The following KLRG1 variants were observed in gnomAD, a reference collection of about 807,000 sequenced individuals.
The protein encoded by KLRG1 is killer cell lectin-like receptor subfamily G member 1.
Under a neutral mutation model 21.8 loss-of-function variants are expected in KLRG1, and 16 were observed. The ratio of observed to expected loss-of-function variants is 0.73; its 90% confidence interval spans 0.50 to 1.11. The LOEUF is 1.11. KLRG1 is among the 50% of genes most tolerant of loss of function. The pLI is 0.00. For synonymous variants in KLRG1, 69 were observed against 75.9 expected (o/e 0.91, Z 0.47); for missense variants, 173 against 218.3 (o/e 0.79, Z 1.31).
intron 3 of KLRG1, among the ~76,000 whole-genome samples, chr12:9,002,256 AC>A (rs1487289934): frequency 1.3e-5 from 2 of 152,146 alleles, no homozygotes; most frequent in East Asian, 3.8e-4. Flanking sequence ...CATTCTGTAA[AC>A]CATTTTAATT....
chr12:9,089,240 T>C, the KLRG1 span: 3 of 1,587,770 alleles, frequency 1.9e-6, no homozygotes, highest in Non-Finnish European at 2.6e-6. Context: ...TTTCCTTCTC[T>C]AGTCCTTCAG....
chr12:8,972,534 T>A (rs749018576), intron 1 of KLRG1, among the ~76,000 whole-genome samples: 3 of 152,228 alleles, frequency 2.0e-5, no homozygotes, highest in African/African-American at 7.2e-5. Flanking sequence ...CATGTAGATA[T>A]CTGGTTTTCC....
chr12:9,097,678 G>T, the KLRG1 span, among the ~76,000 whole-genome samples: 2 of 141,698 alleles, frequency 1.4e-5, no homozygotes, highest in African/African-American at 5.4e-5. Flanking sequence ...CTATTGCCCA[G>T]GCTGGAGTGC....
chr12:9,042,784 G>A, the KLRG1 span, among the ~76,000 whole-genome samples: 1 of 152,118 alleles, frequency 6.6e-6, no homozygotes, highest in Non-Finnish European at 1.5e-5. Flanking sequence ...TAGTCAGGAA[G>A]CAGTTTGATA....
chr12:8,988,338 G>T (rs977030760), upstream of KLRG1: 6 of 152,230 alleles, frequency 3.9e-5, no homozygotes, highest in Non-Finnish European at 7.3e-5. Context: ...GGATCACAAT[G>T]CTGCCTGTGT....
intron 2 of KLRG1, among the ~76,000 whole-genome samples, chr12:8,993,921 T>C (rs1308177047): frequency 6.6e-6 from 1 of 152,246 alleles, no homozygotes; most frequent in Non-Finnish European, 1.5e-5. Flanking sequence ...TGGAGTATAA[T>C]GGCTCATACT....
chr12:9,194,516 G>C, the KLRG1 span, among the ~76,000 whole-genome samples: 14 of 142,626 alleles, frequency 9.8e-5, no homozygotes, highest in African/African-American at 3.1e-4. Context: ...CCAGGCTGGA[G>C]TGCAGTGGCG....
At chr12:9,091,147 C>A in the KLRG1 span, 3 of 1,577,562 alleles carry the variant, frequency 1.9e-6, no homozygotes, top group African/African-American at 1.3e-5. Flanking sequence ...AGGAATGCAA[C>A]TTTTAATTTA....
At chr12:9,138,812 A>AT in the KLRG1 span, among the ~76,000 whole-genome samples, 2 of 152,160 alleles carry the variant, frequency 1.3e-5, no homozygotes, top group South Asian at 2.1e-4. Context: ...TATTTCTAAA[A>AT]GAGCAGTTAT....
chr12:9,184,090 T>C, the KLRG1 span, among the ~76,000 whole-genome samples: 5 of 152,222 alleles, frequency 3.3e-5, no homozygotes, highest in African/African-American at 1.2e-4. Context: ...TGGCAAAGAA[T>C]AGTGGTAGGA....
At chr12:9,068,299 A>G in the KLRG1 span, 1 of 1,487,254 alleles carries the variant, frequency 6.7e-7, no homozygotes, top group Non-Finnish European at 9.2e-7. Flanking sequence ...TCTGTGGGAT[A>G]CAGGCCAAGG....
the KLRG1 span, among the ~76,000 whole-genome samples, chr12:9,148,072 T>C: frequency 6.6e-6 from 1 of 152,250 alleles, no homozygotes. Context: ...TATACCTTTG[T>C]TTATTTTTAA....
the KLRG1 span, among the ~76,000 whole-genome samples, chr12:9,121,443 A>G: frequency 1.3e-5 from 2 of 152,108 alleles, no homozygotes; most frequent in Admixed American, 1.3e-4. The surrounding 1 kb of genome is among the most constrained non-coding windows in gnomAD (Gnocchi z 4.4). Context: ...CGGGAGACTG[A>G]TGCACGAGAA....
the KLRG1 span, chr12:9,202,262 T>A: frequency 6.9e-7 from 1 of 1,441,608 alleles, no homozygotes; most frequent in Non-Finnish European, 9.8e-7. Context: ...TCTACCTCAC[T>A]CTGGGTGAGT....
chr12:9,044,047 A>G, the KLRG1 span, among the ~76,000 whole-genome samples: 3 of 152,242 alleles, frequency 2.0e-5, no homozygotes, highest in African/African-American at 7.2e-5. Context: ...CAGGTAAGCC[A>G]TGTCAACCCA....
the KLRG1 span, chr12:9,077,398 G>A: frequency 1.9e-6 from 3 of 1,613,410 alleles, no homozygotes; most frequent in South Asian, 2.2e-5. Context: ...GGCGGAGAGG[G>A]TCACTTCATC....
At chr12:8,997,957 G>A (rs781159672) in intron 3 of KLRG1, among the ~76,000 whole-genome samples, 10 of 151,866 alleles carry the variant, frequency 6.6e-5, no homozygotes, top group Non-Finnish European at 1.2e-4. Flanking sequence ...CGACCTTTAT[G>A]TATAGTATTC....
chr12:9,177,269 G>A, the KLRG1 span, among the ~76,000 whole-genome samples: 403 of 152,318 alleles, frequency 2.6e-3, 2 homozygotes, highest in African/African-American at 9.4e-3. Flanking sequence ...GAGAAAATCA[G>A]TTGTCACATT....
chr12:9,129,343 A>G, the KLRG1 span, among the ~76,000 whole-genome samples: 903 of 152,234 alleles, frequency 5.9e-3, 7 homozygotes, highest in African/African-American at 0.02. Flanking sequence ...GGTCATTACT[A>G]TTTGAGGAGA....
Sources: gnomAD v4.1 joint callset for allele counts (sites outside exome capture counted in the v4.1 genomes callset) on GRCh38, gnomAD v4.1.1 for gene constraint, Gnocchi (gnomAD v3.1) non-coding constraint, MANE v1.5 for transcripts, NCBI Gene and HGNC (gene_info 2026-07-23, HGNC 2026-07-21) for gene names.